Variants in SH2D3C observed in about 807,000 individuals in gnomAD.
SH2D3C encodes SH2 domain containing 3C.
Under a neutral mutation model 75.2 loss-of-function variants are expected in SH2D3C, and 25 were observed. That is an observed-to-expected ratio of 0.33 (90% CI 0.24 to 0.46). The LOEUF is 0.46. SH2D3C is among the 20% of genes least tolerant of loss of function. SH2D3C has a pLI of 1.00. For synonymous variants in SH2D3C, 450 were observed against 473.7 expected, an observed-to-expected ratio of 0.95 and a Z score of 0.65; for missense variants, 933 against 1,165.3, an observed-to-expected ratio of 0.80 and a Z score of 2.90.
rs1332132502 is a variant in SH2D3C at position 127,742,042 on chromosome 9, C to A, written c.1917-83G>T. Reference sequence around the variant, plus strand: ...GCCTGGGGCGCTGCCTGTGGTTGGGCCGGGAGAGGCGGAGGGCGGAGCCAA... The same window carrying A: ...GCCTGGGGCGCTGCCTGTGGTTGGGACGGGAGAGGCGGAGGGCGGAGCCAA... On this transcript the variant is annotated intron_variant, in intron 8 of 11. Transcript: ENST00000314830. 3 of 1,370,932 alleles carry A rather than the reference C, an allele frequency of 2.2e-6. No individual in the cohort carries two copies. In the Admixed American group the frequency reaches 7.3e-5, roughly 33 times the overall value. The allele number at this position is 1,370,932 out of a possible 1,614,324, so 84.9% of individuals were successfully genotyped here.
intron 2 of SH2D3C, among the ~76,000 whole-genome samples, chr9:127,772,757 T>A (rs1845757439): frequency 6.6e-6 from 1 of 152,142 alleles, no homozygotes; most frequent in Admixed American, 6.5e-5. Context: ...AGCAAGCAGA[T>A]TCCTGCTCAA....
At chr9:127,769,692 A>T (rs939489809) in intron 2 of SH2D3C, among the ~76,000 whole-genome samples, 5 of 152,100 alleles carry the variant, frequency 3.3e-5, no homozygotes, top group Non-Finnish European at 7.4e-5. Flanking sequence ...GAAAAAACAA[A>T]AGAAAAACTT....
rs752422850 is a variant in SH2D3C at position 127,745,061 on chromosome 9, T to C, written c.1303A>G (p.Thr435Ala). ...VHAAPAAPSATALPASPVARR... is the reference protein window; with the variant it reads ...VHAAPAAPSAAALPASPVARR... ...GCGACAGGGGAGGCAGGCAATGCTG[T>C]GGCAGAAGGGGCTGCAGGGGCGGCA... The change falls in exon 7 of 12, where the codon ACA becomes GCA. Residue 435 changes from threonine (T) to alanine (A), a missense_variant. Physicochemically the swap from Thr to Ala is moderately conservative, Grantham distance 58 (BLOSUM62 0). Transcript: ENST00000314830. The C allele has an allele frequency of 1.3e-6, 2 of 1,509,342 alleles. No homozygotes were observed. Among genetic ancestry groups the C allele is most frequent in the Non-Finnish European group, 1.8e-6 (2 of 1,129,892 alleles). 93.5% of individuals were successfully genotyped at this position (1,509,342 alleles called of 1,614,324 possible).
chr9:127,775,227 C>T (rs995170109), intron 1 of SH2D3C, among the ~76,000 whole-genome samples: 1 of 152,238 alleles, frequency 6.6e-6, no homozygotes, highest in East Asian at 1.9e-4. Context: ...GGTGTGGTGG[C>T]TCACACCTGT....
chr9:127,755,131 G>A, intron 3 of SH2D3C: 2 of 1,221,084 alleles, frequency 1.6e-6, no homozygotes, highest in Non-Finnish European at 2.0e-6. Context: ...GGCCGACAGG[G>A]CACTCCACAG....
chr9:127,751,305 G>A lies in SH2D3C; in HGVS notation c.556-5C>T, dbSNP rs370733387. 2 of 1,613,152 alleles carry A rather than the reference G, an allele frequency of 1.2e-6. No homozygotes were observed. Among genetic ancestry groups the A allele is most frequent in the African/African-American group, 2.7e-5 (2 of 74,914 alleles). ...GATGTACTTCTCCTTGGAGAACTGG[G>A]TAGAAAACAGCAAGAGTTGGCATCC... On this transcript the variant is annotated splice_polypyrimidine_tract_variant and splice_region_variant and intron_variant, in intron 3 of 11. Transcript: ENST00000314830. This position sits in a 1 kb window ranked among gnomAD's most constrained non-coding sequence, Gnocchi z 4.1.
intron 8 of SH2D3C, among the ~76,000 whole-genome samples, chr9:127,742,273 G>C (rs150554266): frequency 8.6e-4 from 131 of 152,308 alleles, no homozygotes; most frequent in African/African-American, 3.0e-3. Context: ...TCTCGCTCTT[G>C]TCGCCCAGTC....
Position 127,751,272 on chromosome 9 carries a change from G to A in SH2D3C, c.584C>T (p.Ser195Leu). ...TTCCTTGTGGAGTTTCTCTGGCGATGAGTCCAGGATGTACTTCTCCTTGGA... is the reference window on the plus strand; with the variant it reads ...TTCCTTGTGGAGTTTCTCTGGCGATAAGTCCAGGATGTACTTCTCCTTGGA... ...KFSKEKYILD[S>L]SPEKLHKELE... The change falls in exon 4 of 12, where the codon TCA becomes TTA. Residue 195 changes from serine (S) to leucine (L), a missense_variant. Ser to Leu is a moderately radical substitution (Grantham distance 145, BLOSUM62 -2). Coordinates refer to ENST00000314830, the MANE Select transcript of SH2D3C (RefSeq NM_170600.3). This position sits in a 1 kb window ranked among gnomAD's most constrained non-coding sequence, Gnocchi z 4.1. The A allele has an allele frequency of 6.2e-7, 1 of 1,613,752 alleles. No individual in the cohort carries two copies. The highest frequency in any genetic ancestry group is 1.1e-5 in the South Asian group (1 of 91,082).
chr9:127,771,269 T>G, intron 2 of SH2D3C: 1 of 1,532,524 alleles, frequency 6.5e-7, no homozygotes, highest in Admixed American at 2.1e-5. Context: ...GGGGACCTCC[T>G]AAACCCAGCG....
chr9:127,753,490 A>G (rs1845262036), intron 3 of SH2D3C, among the ~76,000 whole-genome samples: 1 of 152,094 alleles, frequency 6.6e-6, no homozygotes, highest in African/African-American at 2.4e-5. Context: ...GGTGCTCAGG[A>G]GAAAGGCGGG....
chr9:127,777,172 T>C (rs1829028282), intron 1 of SH2D3C, among the ~76,000 whole-genome samples: 1 of 152,092 alleles, frequency 6.6e-6, no homozygotes, highest in Admixed American at 6.5e-5. Flanking sequence ...GCAGTCACAA[T>C]CACTGCCCTT....
chr9:127,776,150 A>C (rs572311416), intron 1 of SH2D3C, among the ~76,000 whole-genome samples: 1 of 152,144 alleles, frequency 6.6e-6, no homozygotes, highest in Non-Finnish European at 1.5e-5. Context: ...TAATTTAAAA[A>C]TTTCTGAAAA....
intron 6 of SH2D3C, among the ~76,000 whole-genome samples, chr9:127,746,717 C>G (rs1845041694): frequency 6.6e-6 from 1 of 152,226 alleles, no homozygotes; most frequent in Non-Finnish European, 1.5e-5. Flanking sequence ...GCAGGTGGAT[C>G]ACCTGAGGTC....
intron 3 of SH2D3C, among the ~76,000 whole-genome samples, chr9:127,755,927 G>GC (rs2131776310): frequency 6.6e-6 from 1 of 152,372 alleles, no homozygotes; most frequent in South Asian, 2.1e-4. Flanking sequence ...CTTTCGCTGA[G>GC]CTGGTGCATG....
intron 3 of SH2D3C, among the ~76,000 whole-genome samples, chr9:127,753,637 G>A (rs1330783919): frequency 6.6e-6 from 1 of 152,136 alleles, no homozygotes; most frequent in Non-Finnish European, 1.5e-5. Context: ...CCCTACTTCT[G>A]GGGGTCCCTG....
intron 10 of SH2D3C, 122 bp downstream of exon 10, chr9:127,740,136 G>T: frequency 1.2e-6 from 1 of 858,642 alleles, no homozygotes; most frequent in Non-Finnish European, 1.8e-6. Flanking sequence ...AGCAGGAACA[G>T]TGAGCTCAGG....
Position 127,774,850 on chromosome 9 carries a change from G to A in SH2D3C, c.38-383C>T, listed in dbSNP as rs1845786887. On this transcript the variant is annotated intron_variant, in intron 1 of 11. Transcript: ENST00000314830. The surrounding 1 kb of genome is among the most constrained non-coding windows in gnomAD (Gnocchi z 4.3). ...CATGCCTGTAATCCCAGCACTTTGG[G>A]AGGCCGAGGCGGGTGGATCACCTGA... 6.6e-6 allele frequency among the ~76,000 whole-genome samples: 1 copy of A among 152,178 alleles called. No homozygotes were observed. The highest frequency in any genetic ancestry group is 2.4e-5 in the African/African-American group (1 of 41,436).
chr9:127,752,889 A>G (rs1845240477), intron 3 of SH2D3C, among the ~76,000 whole-genome samples: 1 of 152,150 alleles, frequency 6.6e-6, no homozygotes, highest in Non-Finnish European at 1.5e-5. Flanking sequence ...GGGCAGAGTC[A>G]GGAATCACTT....
intron 8 of SH2D3C, among the ~76,000 whole-genome samples, chr9:127,742,344 C>A (rs918043902): frequency 2.6e-5 from 4 of 152,262 alleles, no homozygotes; most frequent in Non-Finnish European, 4.4e-5. Context: ...TTAAGCGATT[C>A]TTCTGCCTCA....
Sources: allele counts gnomAD v4.1 joint callset (sites outside exome capture counted in the v4.1 genomes callset), GRCh38; gene constraint gnomAD v4.1.1; non-coding constraint Gnocchi (gnomAD v3.1); transcripts MANE v1.5; gene names NCBI Gene and HGNC (gene_info 2026-07-23, HGNC 2026-07-21).